Variants in RPA3 observed in about 807,000 individuals in gnomAD.
RPA3 encodes the protein replication protein A3.
RPA3 carries 24 observed loss-of-function variants against 13.7 expected under a neutral mutation model. The observed-to-expected ratio is 1.75, with a 90% CI of 1.27 to 2.46. The LOEUF is 2.46. RPA3 is among the 30% of genes most tolerant of loss of function. The pLI is 0.00. For synonymous variants in RPA3, 59 were observed against 51.2 expected, an observed-to-expected ratio of 1.15 and a Z score of -0.65; for missense variants, 183 against 151.0, an observed-to-expected ratio of 1.21 and a Z score of -1.11.
At chr7:7,679,709 T>G (rs980232276) in intron 4 of RPA3, among the ~76,000 whole-genome samples, 3 of 133,186 alleles carry the variant, frequency 2.3e-5, no homozygotes, top group African/African-American at 6.2e-5. Context: ...AATTTATAGA[T>G]AAATATATAT....
At chr7:7,669,677 C>A (rs1779556755) in intron 4 of RPA3, among the ~76,000 whole-genome samples, 1 of 152,170 alleles carries the variant, frequency 6.6e-6, no homozygotes, top group South Asian at 2.1e-4. Flanking sequence ...CATGTTCCCA[C>A]AGAACAACAT....
At chr7:7,676,461 C>A (rs1261396871) in intron 4 of RPA3, among the ~76,000 whole-genome samples, 1 of 152,142 alleles carries the variant, frequency 6.6e-6, no homozygotes, top group Non-Finnish European at 1.5e-5. Context: ...ATCCTCTAAA[C>A]CACTGAACTA....
At chr7:7,665,501 A>G (rs1159746613) in intron 4 of RPA3, among the ~76,000 whole-genome samples, 1 of 152,218 alleles carries the variant, frequency 6.6e-6, no homozygotes. Context: ...GTGACATCTA[A>G]TTGTGTCAAT....
At position 7,637,973 on chromosome 7, in the gene RPA3, C is replaced by CT. The variant is rs756929069; in HGVS notation, c.175-2dup. 6.2e-7 allele frequency: 1 copy of CT among 1,611,434 alleles called. No individual in the cohort carries two copies. The highest frequency in any genetic ancestry group is 8.5e-7 in the Non-Finnish European group (1 of 1,177,918). ...CAATTCCAGAGATTTCTTCATCAAG[C>CT]TAAGACACAGAACAAGACATCGATT... is the stretch of plus-strand genomic sequence containing the variant. On this transcript the variant is annotated splice_acceptor_variant, in intron 6 of 7. Transcript: ENST00000223129. LOFTEE classifies it high-confidence loss of function.
chr7:7,651,050 A>C (rs2115550280), intron 4 of RPA3, among the ~76,000 whole-genome samples: 1 of 152,234 alleles, frequency 6.6e-6, no homozygotes, highest in East Asian at 1.9e-4. Context: ...CTGTAGCCAA[A>C]GAGAAAGCCC....
At chr7:7,692,988 G>T (rs1257352835) in intron 2 of RPA3, among the ~76,000 whole-genome samples, 2 of 152,152 alleles carry the variant, frequency 1.3e-5, no homozygotes, top group Non-Finnish European at 2.9e-5. Flanking sequence ...GCTGTAGGAG[G>T]AAAAACATTT....
intron 2 of RPA3, among the ~76,000 whole-genome samples, chr7:7,713,935 A>C (rs900582537): frequency 6.6e-6 from 1 of 152,062 alleles, no homozygotes; most frequent in African/African-American, 2.4e-5. Context: ...CCTAGTCTCA[A>C]GTGATCTTCC....
At chr7:7,673,869 C>A (rs1312039380) in intron 4 of RPA3, among the ~76,000 whole-genome samples, 1 of 152,268 alleles carries the variant, frequency 6.6e-6, no homozygotes, top group South Asian at 2.1e-4. Context: ...ACTTTAAAAT[C>A]TAAATATGTT....
At chr7:7,714,853 C>CTTTTTT (rs1029148023) in intron 2 of RPA3, among the ~76,000 whole-genome samples, 7 of 111,154 alleles carry the variant, frequency 6.3e-5, no homozygotes, top group African/African-American at 9.9e-5. Flanking sequence ...AAAAATTTTT[C>CTTTTTT]TTTTTTTTTT....
chr7:7,717,518 T>TTCAAAACAATAAATCATA (rs1780948728), intron 1 of RPA3, among the ~76,000 whole-genome samples: 1 of 152,230 alleles, frequency 6.6e-6, no homozygotes, highest in African/African-American at 2.4e-5. Flanking sequence ...GATTTATTGT[T>TTCAAAACAATAAATCATA]TTGAAGTAAA....
chr7:7,680,528 T>C (rs998462920), intron 4 of RPA3, among the ~76,000 whole-genome samples: 1 of 152,204 alleles, frequency 6.6e-6, no homozygotes, highest in Non-Finnish European at 1.5e-5. Flanking sequence ...TCTGGGTCTT[T>C]TGTGATTCTA....
chr7:7,642,665 A>C (rs1195500683), intron 4 of RPA3, among the ~76,000 whole-genome samples: 1 of 152,216 alleles, frequency 6.6e-6, no homozygotes, highest in Non-Finnish European at 1.5e-5. Context: ...TACAGAAAAA[A>C]GTATAGCTAG....
At chr7:7,710,379 AC>A (rs1458977136) in intron 2 of RPA3, among the ~76,000 whole-genome samples, 1 of 152,212 alleles carries the variant, frequency 6.6e-6, no homozygotes, top group African/African-American at 2.4e-5. Context: ...AAACAAAAAA[AC>A]ATAAAACCAA....
chr7:7,668,836 C>G (rs900103305), intron 4 of RPA3, among the ~76,000 whole-genome samples: 8 of 152,208 alleles, frequency 5.3e-5, no homozygotes, highest in Non-Finnish European at 1.2e-4. Flanking sequence ...AGAGGCTCTT[C>G]TGGCAGCTTA....
At chr7:7,706,369 A>G (rs896512012) in intron 2 of RPA3, among the ~76,000 whole-genome samples, 9 of 152,148 alleles carry the variant, frequency 5.9e-5, no homozygotes, top group Non-Finnish European at 1.2e-4. Context: ...TAGAGCATGT[A>G]TGATTGGAAG....
chr7:7,639,034 A>G (rs773862867), intron 6 of RPA3, 36 bp downstream of exon 6: 9 of 1,462,818 alleles, frequency 6.2e-6, no homozygotes, highest in Non-Finnish European at 8.3e-6. Flanking sequence ...AGAATTAACT[A>G]TAATATATAA....
chr7:7,652,996 C>T (rs555088138), intron 4 of RPA3, among the ~76,000 whole-genome samples: 1 of 152,176 alleles, frequency 6.6e-6, no homozygotes, highest in Non-Finnish European at 1.5e-5. Flanking sequence ...TATTCTTGCT[C>T]CCCAGTGCTC....
intron 4 of RPA3, among the ~76,000 whole-genome samples, chr7:7,653,635 G>A (rs993549170): frequency 6.6e-6 from 1 of 152,194 alleles, no homozygotes; most frequent in Non-Finnish European, 1.5e-5. Flanking sequence ...CTGAAGAAAA[G>A]GGCAGTATTC....
intron 2 of RPA3, among the ~76,000 whole-genome samples, chr7:7,705,099 T>C (rs1056424147): frequency 2.0e-4 from 31 of 152,336 alleles, no homozygotes; most frequent in African/African-American, 7.2e-4. Flanking sequence ...AGGGAGCTCC[T>C]GTTCTGACAT....
Sources: gnomAD v4.1 joint callset for allele counts (sites outside exome capture counted in the v4.1 genomes callset) on GRCh38, gnomAD v4.1.1 for gene constraint, MANE v1.5 for transcripts, NCBI Gene and HGNC (gene_info 2026-07-23, HGNC 2026-07-21) for gene names.